The following KLHL14 variants were observed in gnomAD, a reference collection of about 807,000 sequenced individuals.
KLHL14 encodes the protein kelch like family member 14, also known as kelch-like protein 14.
Under a neutral mutation model 64.3 loss-of-function variants are expected in KLHL14, and 22 were observed. The observed-to-expected ratio is 0.34, with a 90% CI of 0.24 to 0.49. KLHL14 has a LOEUF of 0.49. Among genes scored for constraint, KLHL14 ranks in the 20% least tolerant of loss-of-function variants. KLHL14 has a pLI of 0.99. For synonymous variants in KLHL14, 322 were observed against 333.4 expected (o/e 0.97, Z 0.37); for missense variants, 661 against 789.0 (o/e 0.84, Z 1.94).
intron 4 of KLHL14, among the ~76,000 whole-genome samples, chr18:32,690,298 G>T (rs1294033458): frequency 6.6e-6 from 1 of 152,166 alleles, no homozygotes; most frequent in African/African-American, 2.4e-5. Flanking sequence ...AGTGCTTGGG[G>T]TTTTAAGGGA....
chr18:32,751,736 T>C (rs1274423678), intron 2 of KLHL14, among the ~76,000 whole-genome samples: 2 of 152,196 alleles, frequency 1.3e-5, no homozygotes, highest in African/African-American at 4.8e-5. Flanking sequence ...ACATGCTCAC[T>C]GAAAAAACTT....
intron 3 of KLHL14, among the ~76,000 whole-genome samples, chr18:32,713,255 C>T (rs944075464): frequency 1.3e-5 from 2 of 152,138 alleles, no homozygotes; most frequent in African/African-American, 4.8e-5. Context: ...CTCAATCTAA[C>T]CCCACTTGGG....
Position 32,769,538 on chromosome 18 carries a change from ACC to A in KLHL14, c.947+105_947+106del. 3 of 1,022,086 alleles carry A rather than the reference ACC, an allele frequency of 2.9e-6. No homozygotes were observed. In the East Asian group the frequency reaches 9.1e-5, roughly 31 times the overall value. 63.3% of individuals were successfully genotyped at this position (1,022,086 alleles called of 1,614,324 possible). Reference sequence around the variant, plus strand: ...CGTTTGTTTTCATCCTGCCAGAGCCACCCGCCCAGGCCACCCATCTCTTCCCT... The same window carrying A: ...CGTTTGTTTTCATCCTGCCAGAGCCACGCCCAGGCCACCCATCTCTTCCCT... On this transcript the variant is annotated intron_variant, in intron 2 of 8. Transcript: ENST00000359358.
At chr18:32,686,957 A>G (rs1185605083) in intron 5 of KLHL14, among the ~76,000 whole-genome samples, 198 bp downstream of exon 5, 1 of 152,190 alleles carries the variant, frequency 6.6e-6, no homozygotes, top group African/African-American at 2.4e-5. Context: ...TTCCTACATT[A>G]GGACAAATAA....
At chr18:32,767,103 A>G (rs2050350217) in intron 2 of KLHL14, among the ~76,000 whole-genome samples, 1 of 152,220 alleles carries the variant, frequency 6.6e-6, no homozygotes, top group South Asian at 2.1e-4. Flanking sequence ...AGGTCCTTCT[A>G]TTCAATTGTC....
rs1358550387 is a variant in KLHL14, at chr18:32,680,963, G to C, written c.1239-364C>G. ...GTAAGGCAAAGTGAAAAATGAGGTA[G>C]ATAATGTAACAATAATAAATTATCT... is the stretch of plus-strand genomic sequence containing the variant. On this transcript the variant is annotated intron_variant, in intron 5 of 8. Transcript: ENST00000359358. The surrounding 1 kb of genome is among the most constrained non-coding windows in gnomAD (Gnocchi z 4.8). Among the ~76,000 whole-genome samples, 2 of 152,134 alleles carry C rather than the reference G, an allele frequency of 1.3e-5. No homozygotes were observed. Among genetic ancestry groups the C allele is most frequent in the Non-Finnish European group, 2.9e-5 (2 of 68,012 alleles).
Position 32,754,173 on chromosome 18 carries a change from C to T in KLHL14, c.948-12124G>A, listed in dbSNP as rs537331703. Among the ~76,000 whole-genome samples the T allele has an allele frequency of 5.9e-5, 9 of 152,254 alleles. No individual in the cohort carries two copies. The East Asian group carries it at 9.7e-4, about 16-fold the overall frequency. On this transcript the variant is annotated intron_variant, in intron 2 of 8. Transcript: ENST00000359358. ...ATTCAAGCTCTGTATAGCCTAGTGA[C>T]GAAAGGAGATAAAGCATCACTCTCA...
chr18:32,721,227 C>T (rs111512890), intron 3 of KLHL14, among the ~76,000 whole-genome samples: 237 of 152,248 alleles, frequency 1.6e-3, no homozygotes, highest in African/African-American at 5.4e-3. Flanking sequence ...AAAAAAGGGG[C>T]AAAACCCACA....
chr18:32,700,875 G>A (rs79043243), intron 3 of KLHL14, among the ~76,000 whole-genome samples: 1,905 of 152,262 alleles, frequency 0.013, 24 homozygotes, highest in Non-Finnish European at 0.022. Context: ...CTTGTGAGGA[G>A]AGAATTGGCT....
In KLHL14 at chr18:32,680,566, C is replaced by A. The variant is rs144843847; in HGVS notation, c.1272G>T (p.Lys424Asn). The change falls in exon 6 of 9, where the codon AAG (lysine) becomes AAT (asparagine). Residue 424 changes from lysine (K) to asparagine (N), a missense_variant. Physicochemically the swap from Lys to Asn is moderately conservative, Grantham distance 94. This residue lies in a region of KLHL14 where 330 missense variants were observed against 450.0 expected (regional missense o/e 0.73). Transcript: ENST00000359358. This position sits in a 1 kb window ranked among gnomAD's most constrained non-coding sequence, Gnocchi z 4.8. ...RASFYACRLD[K>N]HLYVIGGRNE... The stretch of plus-strand genomic sequence containing the variant: ...TCCTTCCACCAATTACGTATAAATG[C>A]TTGTCCAACCGACATGCATAGAAAC... 4 of 1,612,912 alleles carry A rather than the reference C, an allele frequency of 2.5e-6. No homozygotes were observed. The African/African-American group carries it at 5.3e-5, about 22-fold the overall frequency.
chr18:32,759,697 T>TTCTCTCTCTCTCTCTCTC (rs140880053), intron 2 of KLHL14, among the ~76,000 whole-genome samples: 1 of 148,380 alleles, frequency 6.7e-6, no homozygotes, highest in African/African-American at 2.5e-5. Flanking sequence ...CATTATAACC[T>TTCTCTCTCTCTCTCTCTC]TCTCTCTCTC....
In KLHL14 at chr18:32,680,114, A is replaced by T; in HGVS notation, c.1588+55T>A. The T allele has an allele frequency of 1.3e-6, 2 of 1,560,792 alleles. No homozygotes were observed. ...TCTAAGGAGAAACCCCCTTAGCGAG[A>T]AATATGAGGTGCAAATGTTATTGTG... On this transcript the variant is annotated intron_variant, in intron 7 of 8. Coordinates refer to ENST00000359358, the MANE Select transcript of KLHL14 (RefSeq NM_020805.3). This position sits in a 1 kb window ranked among gnomAD's most constrained non-coding sequence, Gnocchi z 4.8.
chr18:32,690,931 C>T (rs1339689126), intron 4 of KLHL14, among the ~76,000 whole-genome samples: 13 of 151,876 alleles, frequency 8.6e-5, no homozygotes, highest in African/African-American at 1.5e-4. Flanking sequence ...GATAAGAGTA[C>T]GAGGGGGAAA....
chr18:32,718,720 A>T (rs12457977), intron 3 of KLHL14, among the ~76,000 whole-genome samples: 43,685 of 152,062 alleles, frequency 0.29, 6,467 homozygotes, highest in Middle Eastern at 0.35. Flanking sequence ...AAATTCCATA[A>T]ATCTTTTGAT....
intron 3 of KLHL14, among the ~76,000 whole-genome samples, chr18:32,697,350 A>C (rs530829185): frequency 6.6e-6 from 1 of 152,318 alleles, no homozygotes; most frequent in Admixed American, 6.5e-5. Flanking sequence ...TATTACGAAC[A>C]ACCTGGTGCT....
chr18:32,676,200 TC>T (rs760915808), intron 8 of KLHL14, among the ~76,000 whole-genome samples: 2 of 152,168 alleles, frequency 1.3e-5, no homozygotes, highest in Non-Finnish European at 2.9e-5. Flanking sequence ...ATCTCTAACT[TC>T]CAGTCTCCAG....
At chr18:32,677,033 C>T (rs1433267026) in intron 8 of KLHL14, 140 bp downstream of exon 8, 16 of 905,148 alleles carry the variant, frequency 1.8e-5, no homozygotes, top group Non-Finnish European at 2.5e-5. Flanking sequence ...TCCTATTTTA[C>T]TATCTAAAGC....
chr18:32,682,221 T>G (rs960509770), intron 5 of KLHL14, among the ~76,000 whole-genome samples: 1 of 152,230 alleles, frequency 6.6e-6, no homozygotes, highest in Non-Finnish European at 1.5e-5. Flanking sequence ...CAACTTTTGA[T>G]AGTCCTGAAA....
At position 32,770,655 on chromosome 18, in the gene KLHL14, AT is replaced by A; in HGVS notation, c.-43-22del. On this transcript the variant is annotated intron_variant, in intron 1 of 8. Coordinates refer to ENST00000359358, the MANE Select transcript of KLHL14 (RefSeq NM_020805.3). The surrounding 1 kb of genome is among the most constrained non-coding windows in gnomAD (Gnocchi z 6.7). ...CCAACCTGGCAGACAGGGGTGGGGG[AT>A]GGGAGGGAGGGGAGCAGGGTGGTGG... 4 of 251,896 alleles carry A rather than the reference AT, an allele frequency of 1.6e-5. No individual in the cohort carries two copies. The highest frequency in any genetic ancestry group is 2.2e-5 in the Non-Finnish European group (3 of 135,910). 15.6% of individuals were successfully genotyped at this position (251,896 alleles called of 1,614,324 possible).
Sources: gnomAD v4.1 joint callset for allele counts (sites outside exome capture counted in the v4.1 genomes callset) on GRCh38, gnomAD v4.1.1 for gene constraint, gnomAD v4.1.1 regional missense constraint, Gnocchi (gnomAD v3.1) non-coding constraint, MANE v1.5 for transcripts, NCBI Gene and HGNC (gene_info 2026-07-23, HGNC 2026-07-21) for gene names.